The following SEMA5A variants were observed in gnomAD, a reference collection of about 807,000 sequenced individuals.
SEMA5A encodes semaphorin-5A.
In SEMA5A, 55 loss-of-function variants were observed where a neutral mutation model predicts 135.5. The ratio of observed to expected loss-of-function variants is 0.41; its 90% CI spans 0.33 to 0.51. SEMA5A has a LOEUF of 0.51. Ranked by LOEUF, SEMA5A falls within the 20% of genes least tolerant of loss-of-function variation. SEMA5A has a pLI of 0.37. For missense variants in SEMA5A, 1,290 were observed against 1,419.9 expected (o/e 0.91, Z 1.47); for synonymous variants, 580 against 546.5 (o/e 1.06, Z -0.85).
In SEMA5A at chr5:9,513,047, G is replaced by T. The variant is rs192301242; in HGVS notation, c.-175+32537C>A. Among the ~76,000 whole-genome samples the T allele has an allele frequency of 1.5e-3, 187 of 128,702 alleles. 1 individual carries two copies. The highest frequency in any genetic ancestry group is 0.011 in the Middle Eastern group (3 of 270). 84.4% of individuals were successfully genotyped at this position (128,702 alleles called of 152,430 possible). A position where few individuals can be genotyped will look rare whatever the true frequency, so the allele number is the denominator to read the frequency against. On this transcript the variant is annotated intron_variant, in intron 1 of 22. Transcript: ENST00000382496. Reference sequence around the variant, plus strand: ...ATGCTCTGCCTTATTTTGCTGAAATGAGATGCAAATATATATATATAATAT... The same window carrying T: ...ATGCTCTGCCTTATTTTGCTGAAATTAGATGCAAATATATATATATAATAT...
rs1200375233 is a variant in SEMA5A, at chr5:9,154,674, A to G, written c.1295T>C (p.Val432Ala). The G allele has an allele frequency of 5.6e-6, 9 of 1,613,852 alleles. No homozygotes were observed. Among genetic ancestry groups the G allele is most frequent in the South Asian group, 3.3e-5 (3 of 91,076 alleles). Reference protein sequence around the residue: ...LATDYGTIKKVRVPLNQTSSS... With the variant: ...LATDYGTIKKARVPLNQTSSS... ...TGAGGTCTGATTCAGGGGTACCCGC[A>G]CTTTCTTAATGGTTCCGTAATCTAT... is the stretch of plus-strand genomic sequence containing the variant. Residue 432 changes from valine to alanine, a missense_variant, in exon 12 of 23, where the codon GTG becomes GCG. Val to Ala is a moderately conservative substitution (Grantham distance 64). This residue lies in a region of SEMA5A where 1,029 missense variants were observed against 1,086.6 expected (regional missense o/e 0.95). Transcript: ENST00000382496.
intron 12 of SEMA5A, 56 bp from the exon 13 acceptor site, chr5:9,136,677 C>A: frequency 1.4e-6 from 2 of 1,445,406 alleles, no homozygotes; most frequent in Non-Finnish European, 9.7e-7. Flanking sequence ...TGATAAGATA[C>A]ACAAGACAAG....
At chr5:9,396,062 A>G (rs1054115679) in intron 2 of SEMA5A, among the ~76,000 whole-genome samples, 4 of 152,238 alleles carry the variant, frequency 2.6e-5, no homozygotes, top group African/African-American at 9.6e-5. Context: ...AATACCGTGT[A>G]TCACAATAAA....
Position 9,063,098 on chromosome 5 carries a change from A to G in SEMA5A, c.2307T>C (p.Ser769=), listed in dbSNP as rs1232871054. ...GTSGCSTDGL[S]GDFLRAGRYS... ...ATCTCCCAGCACGCAGGAAATCCCC[A>G]GAAAGCCCTGCCAAGGAAACAGGTG... The change falls in exon 18 of 23, where the codon TCT becomes TCC. Residue 769 remains serine (S), a synonymous_variant. Transcript: ENST00000382496. 30 of 1,612,218 alleles carry G rather than the reference A, an allele frequency of 1.9e-5. No homozygotes were observed. The highest frequency in any genetic ancestry group is 2.5e-5 in the Non-Finnish European group (29 of 1,179,182).
chr5:9,241,565 C>CAAAAA (rs3061561), intron 5 of SEMA5A, among the ~76,000 whole-genome samples: 2 of 111,862 alleles, frequency 1.8e-5, no homozygotes, highest in African/African-American at 3.2e-5. Flanking sequence ...AAGAGAGCTA[C>CAAAAA]AAAAAAAAAA....
At chr5:9,529,193 T>C (rs1737307923) in intron 1 of SEMA5A, among the ~76,000 whole-genome samples, 1 of 152,232 alleles carries the variant, frequency 6.6e-6, no homozygotes, top group Admixed American at 6.5e-5. Context: ...GGCCGTGTGC[T>C]CTAGGGATGG....
intron 3 of SEMA5A, among the ~76,000 whole-genome samples, chr5:9,373,620 TTAAAGA>T (rs1434080136): frequency 2.6e-5 from 4 of 151,904 alleles, no homozygotes; most frequent in South Asian, 4.2e-4. Context: ...CATTAAGGAG[TTAAAGA>T]TAAAGATCGC....
intron 1 of SEMA5A, among the ~76,000 whole-genome samples, chr5:9,455,464 G>A (rs1018666075): frequency 6.6e-6 from 1 of 151,890 alleles, no homozygotes; most frequent in Admixed American, 6.6e-5. Flanking sequence ...CACCATGTTA[G>A]CAAGGACAGT....
chr5:9,541,049 G>A (rs1005621034), intron 1 of SEMA5A, among the ~76,000 whole-genome samples: 2 of 152,132 alleles, frequency 1.3e-5, no homozygotes, highest in African/African-American at 4.8e-5. Context: ...TTCTTTCCAT[G>A]AGTACATCAT....
At chr5:9,226,829 C>T (rs1192551644) in intron 7 of SEMA5A, 40 bp downstream of exon 7, 1 of 1,483,322 alleles carries the variant, frequency 6.7e-7, no homozygotes, top group Non-Finnish European at 9.4e-7. Context: ...TTTGCCTCTT[C>T]TGATATTAAA....
chr5:9,109,202 G>T (rs1046886733), intron 15 of SEMA5A, among the ~76,000 whole-genome samples: 23 of 150,832 alleles, frequency 1.5e-4, no homozygotes, highest in African/African-American at 4.9e-4. Flanking sequence ...CACTACGCCC[G>T]GCTAATTTTT....
In SEMA5A at chr5:9,502,837, C is replaced by T. The variant is rs559706404; in HGVS notation, c.-175+42747G>A. 9.9e-5 allele frequency among the ~76,000 whole-genome samples: 15 copies of T among 152,056 alleles called. No individual in the cohort carries two copies. The South Asian group carries it at 1.0e-3, about 11-fold the overall frequency. On this transcript the variant is annotated intron_variant, in intron 1 of 22. Coordinates refer to ENST00000382496, the MANE Select transcript of SEMA5A (RefSeq NM_003966.3). ...TCTAATTGGGGGAAGGACAGAGTGACGGAGAAGGAAGAAGGAAAGGAAAGC... is the reference window on the plus strand; with the variant it reads ...TCTAATTGGGGGAAGGACAGAGTGATGGAGAAGGAAGAAGGAAAGGAAAGC...
intron 2 of SEMA5A, among the ~76,000 whole-genome samples, chr5:9,425,211 A>G (rs1171293717): frequency 3.9e-5 from 1 of 25,944 alleles, no homozygotes; most frequent in Non-Finnish European, 1.1e-4. Context: ...TTTGCATAGC[A>G]CTTAACCACT....
At chr5:9,483,563 C>A (rs535299209) in intron 1 of SEMA5A, among the ~76,000 whole-genome samples, 4 of 152,108 alleles carry the variant, frequency 2.6e-5, no homozygotes, top group Admixed American at 6.5e-5. Flanking sequence ...TAAACAAGTA[C>A]AACATGACAA....
intron 1 of SEMA5A, among the ~76,000 whole-genome samples, chr5:9,529,417 G>A (rs1737322763): frequency 6.6e-6 from 1 of 152,202 alleles, no homozygotes; most frequent in South Asian, 2.1e-4. Context: ...TGCCCTGCCT[G>A]GACACCCACC....
chr5:9,136,446 A>G, intron 13 of SEMA5A, 58 bp downstream of exon 13: 1 of 1,429,780 alleles, frequency 7.0e-7, no homozygotes. Context: ...GAGGATCGCC[A>G]GGGGAGCATG....
At chr5:9,047,961 C>T (rs1048799157) in intron 21 of SEMA5A, among the ~76,000 whole-genome samples, 6 of 152,144 alleles carry the variant, frequency 3.9e-5, no homozygotes, top group Non-Finnish European at 7.3e-5. Context: ...AACTGTGAGG[C>T]TCAGCAGGAG....
intron 1 of SEMA5A, among the ~76,000 whole-genome samples, chr5:9,464,297 TA>T (rs1406704707): frequency 6.6e-6 from 1 of 152,152 alleles, no homozygotes; most frequent in Non-Finnish European, 1.5e-5. Context: ...GGAAGATAAA[TA>T]GTTACAGGAA....
chr5:9,133,603 T>C (rs1396427857), intron 13 of SEMA5A, among the ~76,000 whole-genome samples: 1 of 152,130 alleles, frequency 6.6e-6, no homozygotes, highest in Non-Finnish European at 1.5e-5. Flanking sequence ...AAAGCAGAGA[T>C]GGTAGAGGAG....
Sources: gnomAD v4.1 joint callset for allele counts (sites outside exome capture counted in the v4.1 genomes callset) on GRCh38, gnomAD v4.1.1 for gene constraint, gnomAD v4.1.1 regional missense constraint, MANE v1.5 for transcripts, NCBI Gene and HGNC (gene_info 2026-07-23, HGNC 2026-07-21) for gene names.